The following LRRC4C variants were observed in gnomAD, a reference collection of about 807,000 sequenced individuals.
LRRC4C encodes the protein leucine rich repeat containing 4C, also known as leucine-rich repeat-containing protein 4C.
Under a neutral mutation model 33.6 loss-of-function variants are expected in LRRC4C, and 5 were observed. That is an observed-to-expected ratio of 0.15 (90% CI 0.08 to 0.31). LRRC4C has a LOEUF of 0.31. Among genes scored for constraint, LRRC4C ranks in the 10% least tolerant of loss-of-function variants. The pLI is 1.00. For missense variants in LRRC4C, 560 were observed against 796.7 expected, an observed-to-expected ratio of 0.70 and a Z score of 3.58; for synonymous variants, 329 against 302.0, an observed-to-expected ratio of 1.09 and a Z score of -0.93.
At chr11:40,804,203 T>A (rs1198545283) in intron 2 of LRRC4C, among the ~76,000 whole-genome samples, 4 of 152,140 alleles carry the variant, frequency 2.6e-5, no homozygotes, top group African/African-American at 9.7e-5. Flanking sequence ...TGGAGTCTCA[T>A]AGATTCCACA....
chr11:40,869,220 T>C (rs1954517781), intron 2 of LRRC4C, among the ~76,000 whole-genome samples: 1 of 152,146 alleles, frequency 6.6e-6, no homozygotes, highest in African/African-American at 2.4e-5. Flanking sequence ...TAAGACAAAT[T>C]AATTACATGT....
intron 2 of LRRC4C, among the ~76,000 whole-genome samples, chr11:40,691,316 C>T (rs1945212494): frequency 6.6e-6 from 1 of 152,000 alleles, no homozygotes; most frequent in South Asian, 2.1e-4. Context: ...ACTTCCGATA[C>T]AGTTGCTGGG....
rs1322175769 is a variant in LRRC4C, at chr11:40,863,124, G to A, written c.-407+70511C>T. 3.3e-5 allele frequency among the ~76,000 whole-genome samples: 5 copies of A among 152,190 alleles called. No individual in the cohort carries two copies. In the South Asian group the frequency reaches 8.3e-4, roughly 25 times the overall value. On this transcript the variant is annotated intron_variant, in intron 2 of 6. Coordinates refer to ENST00000528697, the MANE Select transcript of LRRC4C (RefSeq NM_001258419.2). The stretch of plus-strand genomic sequence containing the variant: ...AACAGAGCACAAAAGACTGAGCAGA[G>A]CTAATAGGTTTCTTCAAGTTCAATT...
chr11:40,904,458 A>C (rs1232391928), intron 2 of LRRC4C, among the ~76,000 whole-genome samples: 1 of 152,192 alleles, frequency 6.6e-6, no homozygotes, highest in African/African-American at 2.4e-5. Context: ...GTGTGGTTCC[A>C]ACAGTTTTTC....
At chr11:41,135,539 A>G (rs1220089939) in intron 1 of LRRC4C, among the ~76,000 whole-genome samples, 1 of 152,188 alleles carries the variant, frequency 6.6e-6, no homozygotes, top group East Asian at 1.9e-4. Context: ...AGTTATTTCA[A>G]TCTCAGTGAT....
At chr11:40,689,373 G>C (rs1320761326) in intron 2 of LRRC4C, among the ~76,000 whole-genome samples, 2 of 151,896 alleles carry the variant, frequency 1.3e-5, no homozygotes, top group African/African-American at 4.8e-5. Context: ...GAAAAAAATG[G>C]TATTTTAATG....
chr11:40,608,935 T>G (rs1960913451), intron 3 of LRRC4C, among the ~76,000 whole-genome samples: 1 of 152,102 alleles, frequency 6.6e-6, no homozygotes, highest in Admixed American at 6.6e-5. Context: ...AAGGAATCAT[T>G]GACGGAACTG....
Position 40,125,822 on chromosome 11 carries a change from A to G in LRRC4C, c.-42-9488T>C, listed in dbSNP as rs187041583. On this transcript the variant is annotated intron_variant, in intron 6 of 6. Coordinates refer to ENST00000528697, the MANE Select transcript of LRRC4C (RefSeq NM_001258419.2). Reference sequence around the variant, plus strand: ...GAAAAAACAAAGCAACGAATTAAATAACACCATTACCAAAGGTAACACACT... The same window carrying G: ...GAAAAAACAAAGCAACGAATTAAATGACACCATTACCAAAGGTAACACACT... 2.9e-4 allele frequency among the ~76,000 whole-genome samples: 44 copies of G among 152,334 alleles called. No individual in the cohort carries two copies. The East Asian group carries it at 4.4e-3, about 15-fold the overall frequency.
At chr11:41,251,848 T>C (rs1186415834) in intron 1 of LRRC4C, among the ~76,000 whole-genome samples, 1 of 152,162 alleles carries the variant, frequency 6.6e-6, no homozygotes, top group East Asian at 1.9e-4. Context: ...TTTTATGCTG[T>C]GTAGCTAACA....
chr11:41,417,287 A>C (rs917840275), intron 1 of LRRC4C, among the ~76,000 whole-genome samples: 5 of 152,236 alleles, frequency 3.3e-5, no homozygotes, highest in Middle Eastern at 3.4e-3. Flanking sequence ...CAATGGCTAA[A>C]GTGACCTAAG....
chr11:40,726,316 T>G (rs1365378424), intron 2 of LRRC4C, among the ~76,000 whole-genome samples: 1 of 152,094 alleles, frequency 6.6e-6, no homozygotes, highest in East Asian at 1.9e-4. Flanking sequence ...AACAGTATCA[T>G]GCTGACACCA....
chr11:40,232,260 C>A (rs1590775214), intron 5 of LRRC4C, among the ~76,000 whole-genome samples: 3 of 152,280 alleles, frequency 2.0e-5, no homozygotes, highest in Non-Finnish European at 4.4e-5. Flanking sequence ...CCCACTTTGG[C>A]CTCCCAAAGT....
chr11:40,146,231 G>A (rs1857720973), intron 5 of LRRC4C, among the ~76,000 whole-genome samples: 1 of 152,192 alleles, frequency 6.6e-6, no homozygotes, highest in Middle Eastern at 3.4e-3. Context: ...CACAAGTGAA[G>A]ATAAATGACA....
intron 1 of LRRC4C, among the ~76,000 whole-genome samples, chr11:41,137,573 T>A (rs1943320902): frequency 1.3e-5 from 2 of 152,184 alleles, no homozygotes; most frequent in African/African-American, 2.4e-5. Flanking sequence ...GATCTTTCCA[T>A]CATCAGTGAC....
At chr11:41,090,114 A>C (rs753220414) in intron 1 of LRRC4C, among the ~76,000 whole-genome samples, 12 of 152,124 alleles carry the variant, frequency 7.9e-5, no homozygotes, top group Non-Finnish European at 1.6e-4. Flanking sequence ...ATGATGCTGC[A>C]AGGAAAGCCT....
intron 3 of LRRC4C, among the ~76,000 whole-genome samples, chr11:40,617,362 G>C (rs1390174): frequency 0.43 from 65,145 of 151,062 alleles, 15,045 homozygotes; most frequent in Middle Eastern, 0.57. Context: ...TCCTGGCTGT[G>C]CTAAGATCTG....
chr11:40,745,239 C>G (rs1591610855), intron 2 of LRRC4C, among the ~76,000 whole-genome samples: 1 of 152,248 alleles, frequency 6.6e-6, no homozygotes, highest in Admixed American at 6.5e-5. Context: ...ACTTTTCCCT[C>G]TAAAAGAGGT....
intron 3 of LRRC4C, among the ~76,000 whole-genome samples, chr11:40,328,128 C>T (rs1946184123): frequency 6.6e-6 from 1 of 152,058 alleles, no homozygotes; most frequent in African/African-American, 2.4e-5. Flanking sequence ...AAAATGAGAA[C>T]ATTTATACCC....
At chr11:40,404,398 A>G (rs1235413299) in intron 3 of LRRC4C, among the ~76,000 whole-genome samples, 2 of 152,158 alleles carry the variant, frequency 1.3e-5, no homozygotes, top group Non-Finnish European at 2.9e-5. Flanking sequence ...AGTGCATAAT[A>G]TATGCATATA....
Sources: allele counts gnomAD v4.1 joint callset (sites outside exome capture counted in the v4.1 genomes callset), GRCh38; gene constraint gnomAD v4.1.1; transcripts MANE v1.5; gene names NCBI Gene and HGNC (gene_info 2026-07-23, HGNC 2026-07-21).